EXD3: variants seen among roughly 807,000 people sequenced by gnomAD.
EXD3 encodes the protein exonuclease 3'-5' domain containing 3.
In EXD3, 92 loss-of-function variants were observed where a neutral mutation model predicts 98.0. That is an observed-to-expected ratio of 0.94 (90% CI 0.79 to 1.12). The LOEUF (loss-of-function observed/expected upper bound fraction) is 1.12. Ranked by LOEUF, EXD3 falls within the 50% of genes most tolerant of loss-of-function variation. EXD3 has a pLI of 0.00. For missense variants in EXD3, 1,222 were observed against 1,191.6 expected, an observed-to-expected ratio of 1.03 and a Z score of -0.38; for synonymous variants, 569 against 526.0, an observed-to-expected ratio of 1.08 and a Z score of -1.12.
rs750367149 is a variant in EXD3 at position 137,405,508 on chromosome 9, C to T, written c.-47-10104G>A. Among the ~76,000 whole-genome samples the T allele has an allele frequency of 1.4e-4, 22 of 152,236 alleles. No individual in the cohort carries two copies. Among genetic ancestry groups the T allele is most frequent in the Non-Finnish European group, 2.1e-4 (14 of 68,038 alleles). On this transcript the variant is annotated intron_variant, in intron 1 of 21. Transcript: ENST00000340951. The surrounding 1 kb of genome is among the most constrained non-coding windows in gnomAD (Gnocchi z 4.1). The stretch of plus-strand genomic sequence containing the variant: ...CCGTCCCCAGCCACTCACCCGTCCC[C>T]AGCATCCACAGTTTCTCAGGCTCTC...
chr9:137,399,016 C>T (rs745743645), intron 1 of EXD3, among the ~76,000 whole-genome samples: 8 of 152,134 alleles, frequency 5.3e-5, no homozygotes, highest in Admixed American at 1.3e-4. Flanking sequence ...CCTCGTAACA[C>T]GTGCACACCG....
chr9:137,364,354 G>T lies in EXD3; in HGVS notation c.656+2139C>A, dbSNP rs958883292. On this transcript the variant is annotated intron_variant, in intron 7 of 21. Transcript: ENST00000340951. ...TCATTAATTTAGGCCAGGTGCGGTG[G>T]CTCATGCCTGTAATCCCAGCACTTT... 3.2e-4 allele frequency among the ~76,000 whole-genome samples: 48 copies of T among 152,226 alleles called. 2 individuals are homozygous for T. The highest frequency in any genetic ancestry group is 1.1e-3 in the African/African-American group (47 of 41,506).
chr9:137,352,319 C>T, intron 11 of EXD3, 118 bp from the exon 12 acceptor site: 1 of 1,402,774 alleles, frequency 7.1e-7, no homozygotes, highest in Non-Finnish European at 9.8e-7. Context: ...GTCCTGGCTC[C>T]TCCTCCCACA....
intron 2 of EXD3, among the ~76,000 whole-genome samples, chr9:137,391,409 T>A (rs1234088190): frequency 6.6e-6 from 1 of 152,170 alleles, no homozygotes; most frequent in Non-Finnish European, 1.5e-5. Flanking sequence ...CTGTAGGGCA[T>A]GGGTCTCCTC....
At chr9:137,388,058 A>T (rs551007817) in intron 2 of EXD3, among the ~76,000 whole-genome samples, 1 of 152,286 alleles carries the variant, frequency 6.6e-6, no homozygotes, top group Admixed American at 6.5e-5. Context: ...GTGTATTAGG[A>T]GGACACCTAG....
chr9:137,373,561 G>A lies in EXD3; in HGVS notation c.159C>T (p.Asp53=), dbSNP rs376632673. 9.9e-5 allele frequency: 158 copies of A among 1,603,316 alleles called. No homozygotes were observed. The East Asian group carries it at 2.0e-3, about 20-fold the overall frequency. Residue 53 remains aspartate, a synonymous_variant, in exon 4 of 22, where the codon GAC becomes GAT. Transcript: ENST00000340951. Reference sequence around the variant, plus strand: ...TGTCCAGAAGCCCGGCCAGGGGGTCGTCCAAGGCAGCAAACCCCCGCCAGG... The same window carrying A: ...TGTCCAGAAGCCCGGCCAGGGGGTCATCCAAGGCAGCAAACCCCCGCCAGG... ...EEAWRGFAAL[D]DPLAGLLDML...
Position 137,349,476 on chromosome 9 carries a change from C to A in EXD3, c.1550G>T (p.Gly517Val), listed in dbSNP as rs756680735. Residue 517 changes from glycine to valine, a missense_variant, in exon 15 of 22, where the codon GGC (glycine) becomes GTC (valine). Coordinates refer to ENST00000340951, the MANE Select transcript of EXD3 (RefSeq NM_017820.5). This position sits in a 1 kb window ranked among gnomAD's most constrained non-coding sequence, Gnocchi z 7.4. ...CACCTGCTGCACCAGGAGGCTCAGG[C>A]CCCTCAGCTCCCTGGCCCTGTCCAC... ...PAVDRARELR[G>V]LSLLVQQVLG... is the part of the protein sequence containing the mutation. The A allele has an allele frequency of 1.2e-6, 2 of 1,603,612 alleles. No homozygotes were observed. Among genetic ancestry groups the A allele is most frequent in the South Asian group, 2.2e-5 (2 of 90,400 alleles).
intron 3 of EXD3, 109 bp from the exon 4 acceptor site, chr9:137,373,708 G>T: frequency 1.6e-6 from 2 of 1,269,330 alleles, no homozygotes; most frequent in Non-Finnish European, 2.1e-6. Context: ...TCAGAAGGTA[G>T]CTGTGGCCAT....
Position 137,324,379 on chromosome 9 carries a change from A to G in EXD3, c.1999-236T>C, listed in dbSNP as rs1216533411. Among the ~76,000 whole-genome samples the G allele has an allele frequency of 6.6e-6, 1 of 152,096 alleles. No individual in the cohort carries two copies. The highest frequency in any genetic ancestry group is 1.5e-5 in the Non-Finnish European group (1 of 68,016). On this transcript the variant is annotated intron_variant, in intron 17 of 21. Coordinates refer to ENST00000340951, the MANE Select transcript of EXD3 (RefSeq NM_017820.5). The surrounding 1 kb of genome is among the most constrained non-coding windows in gnomAD (Gnocchi z 4.1). ...ACCACGCAAACATTTTTTTTTCATA[A>G]TTAGAAACAAAATTGAATTTAAAAA... is the stretch of plus-strand genomic sequence containing the variant.
At chr9:137,379,123 A>G (rs55747550) in intron 3 of EXD3, among the ~76,000 whole-genome samples, 104 of 57,234 alleles carry the variant, frequency 1.8e-3, no homozygotes, top group Non-Finnish European at 2.6e-3. Flanking sequence ...GGAATGGGGC[A>G]TCTGTGTGAG....
At chr9:137,307,729 C>A (rs781570363) in intron 20 of EXD3, 83 bp from the exon 21 acceptor site, 45 of 1,501,864 alleles carry the variant, frequency 3.0e-5, no homozygotes, top group Non-Finnish European at 3.8e-5. Context: ...CGCAGCCATG[C>A]GGCTGAGCAC....
chr9:137,369,378 T>C (rs1588366346), intron 5 of EXD3, among the ~76,000 whole-genome samples: 1 of 151,856 alleles, frequency 6.6e-6, no homozygotes, highest in Non-Finnish European at 1.5e-5. Context: ...AAGGCAGGGG[T>C]GCAGGGCCGG....
At chr9:137,330,588 A>ACAGGACTACACAGGACTACG in intron 17 of EXD3, among the ~76,000 whole-genome samples, 1 of 132,004 alleles carries the variant, frequency 7.6e-6, no homozygotes. Flanking sequence ...ACAGGACTAC[A>ACAGGACTACACAGGACTACG]CAGGACTACA....
At chr9:137,338,671 G>C (rs1833489984) in intron 17 of EXD3, among the ~76,000 whole-genome samples, 1 of 151,392 alleles carries the variant, frequency 6.6e-6, no homozygotes, top group African/African-American at 2.4e-5. Context: ...CAGATCACGA[G>C]GTCAGGAGAT....
At chr9:137,415,078 C>T (rs562178224) in intron 1 of EXD3, among the ~76,000 whole-genome samples, 4 of 151,910 alleles carry the variant, frequency 2.6e-5, no homozygotes, top group East Asian at 1.9e-4. Flanking sequence ...AGTAGAGACG[C>T]GGTTTCATCA....
chr9:137,314,255 G>A (rs1295449080), intron 19 of EXD3, among the ~76,000 whole-genome samples: 3 of 152,168 alleles, frequency 2.0e-5, no homozygotes, highest in African/African-American at 7.2e-5. Context: ...GCAGCCCTGG[G>A]CTGCCCGCCC....
At chr9:137,366,965 C>T (rs1368769529) in intron 6 of EXD3, among the ~76,000 whole-genome samples, 1 of 152,236 alleles carries the variant, frequency 6.6e-6, no homozygotes, top group African/African-American at 2.4e-5. Flanking sequence ...AATGCCTTCT[C>T]GTGGCACATG....
intron 17 of EXD3, among the ~76,000 whole-genome samples, chr9:137,344,369 G>T (rs1833814651): frequency 6.6e-6 from 1 of 152,158 alleles, no homozygotes; most frequent in Non-Finnish European, 1.5e-5. Flanking sequence ...AAACCAGTGG[G>T]AGATAAATAT....
intron 1 of EXD3, among the ~76,000 whole-genome samples, chr9:137,411,724 T>TGG (rs1352481311): frequency 2.0e-5 from 1 of 50,666 alleles, no homozygotes; most frequent in African/African-American, 7.3e-5. Flanking sequence ...GGGGGATGGG[T>TGG]GGGGGAGGGG....
Sources: gnomAD v4.1 joint callset for allele counts (sites outside exome capture counted in the v4.1 genomes callset) on GRCh38, gnomAD v4.1.1 for gene constraint, Gnocchi (gnomAD v3.1) non-coding constraint, MANE v1.5 for transcripts, NCBI Gene and HGNC (gene_info 2026-07-23, HGNC 2026-07-21) for gene names.